PCDHGA2: variants seen among roughly 807,000 people sequenced by gnomAD.
The protein encoded by PCDHGA2 is protocadherin gamma subfamily A, 2, also known as protocadherin gamma-A2.
PCDHGA2 carries 40 observed loss-of-function variants against 59.2 expected under a neutral mutation model. The ratio of observed to expected loss-of-function variants is 0.68; its 90% CI spans 0.52 to 0.88. The LOEUF (loss-of-function observed/expected upper bound fraction) is 0.88. Ranked by LOEUF, PCDHGA2 falls within the 40% of genes least tolerant of loss-of-function variation. PCDHGA2 has a pLI of 0.00. For synonymous variants in PCDHGA2, 560 were observed against 526.0 expected, an observed-to-expected ratio of 1.06 and a Z score of -0.89; for missense variants, 1,226 against 1,204.0, an observed-to-expected ratio of 1.02 and a Z score of -0.27.
At position 141,340,814 on chromosome 5, in the gene PCDHGA2, G is replaced by A; in HGVS notation, c.1843G>A (p.Gly615Arg). The change falls in exon 1 of 4, where the codon GGA (glycine) becomes AGA (arginine). Residue 615 changes from glycine to arginine, a missense_variant. Gly to Arg is a moderately radical substitution (Grantham distance 125). Transcript: ENST00000394576. ...CCACCTGCTCAAGGCCAGCGAGCCG[G>A]GACTCTTCTCGGTGGGTCTGCACAC... ...SYHLLKASEP[G>R]LFSVGLHTGE... is the part of the protein sequence containing the mutation. The A allele has an allele frequency of 6.2e-7, 1 of 1,613,914 alleles. No individual in the cohort carries two copies. The highest frequency in any genetic ancestry group is 2.2e-5 in the East Asian group (1 of 44,854).
chr5:141,370,026 T>G (rs969820845), intron 1 of PCDHGA2, among the ~76,000 whole-genome samples: 1 of 152,354 alleles, frequency 6.6e-6, no homozygotes, highest in Non-Finnish European at 1.5e-5. Context: ...ACTAAAGATA[T>G]AGTAAGTATA....
chr5:141,409,143 G>C (rs778597273), intron 1 of PCDHGA2: 2 of 1,613,986 alleles, frequency 1.2e-6, no homozygotes, highest in Admixed American at 3.3e-5. Context: ...GATGTAGAAA[G>C]GTACACCATG....
chr5:141,410,402 A>G, intron 1 of PCDHGA2: 1 of 1,614,008 alleles, frequency 6.2e-7, no homozygotes, highest in South Asian at 1.1e-5. Flanking sequence ...TCTCTGTGTC[A>G]AGTCTGGACC....
chr5:141,384,601 C>G lies in PCDHGA2; in HGVS notation c.2424+43206C>G, dbSNP rs1780261198. On this transcript the variant is annotated intron_variant, in intron 1 of 3. Coordinates refer to ENST00000394576, the MANE Select transcript of PCDHGA2 (RefSeq NM_018915.4). The stretch of plus-strand genomic sequence containing the variant: ...GCCCGAGATCCTGTACCCGGCCCTC[C>G]CCACAGATGGTTCTACTGGCATGGA... The G allele has an allele frequency of 2.5e-6, 4 of 1,614,240 alleles. No homozygotes were observed. The East Asian group carries it at 8.9e-5, about 36-fold the overall frequency.
At position 141,340,994 on chromosome 5, in the gene PCDHGA2, C is replaced by G. The variant is rs746117073; in HGVS notation, c.2023C>G (p.Leu675Val). The G allele has an allele frequency of 1.4e-5, 22 of 1,614,000 alleles. No individual in the cohort carries two copies. Among genetic ancestry groups the G allele is most frequent in the African/African-American group, 2.7e-5 (2 of 74,930 alleles). The change falls in exon 1 of 4, where the codon CTG (leucine) becomes GTG (valine). Residue 675 changes from leucine to valine, a missense_variant. Physicochemically the swap from Leu to Val is conservative, Grantham distance 32. Transcript: ENST00000394576. ...CAGGATCCCCGACATCCTGGCCGAC[C>G]TGGGCAGCCTCGAGCCCTCCGCCAT... ...ADRIPDILAD[L>V]GSLEPSAIPN... is the part of the protein sequence containing the mutation.
chr5:141,393,896 T>G (rs754023896), intron 1 of PCDHGA2: 1 of 1,613,942 alleles, frequency 6.2e-7, no homozygotes, highest in Non-Finnish European at 8.5e-7. Context: ...AAAATTCTCT[T>G]CCCGGGACAG....
At chr5:141,498,011 G>A (rs995865984) in intron 2 of PCDHGA2, among the ~76,000 whole-genome samples, 2 of 152,204 alleles carry the variant, frequency 1.3e-5, no homozygotes, top group Non-Finnish European at 2.9e-5. Flanking sequence ...ACAGTGCACT[G>A]AAGGAGACAA....
At chr5:141,356,183 GAGCTAGA>G (rs756678007) in intron 1 of PCDHGA2, 1 of 1,611,306 alleles carries the variant, frequency 6.2e-7, no homozygotes, top group Admixed American at 1.7e-5. Context: ...CCTGGTCTCC[GAGCTAGA>G]AGCAAGGTAC....
At chr5:141,376,226 A>G in intron 1 of PCDHGA2, 2 of 1,614,202 alleles carry the variant, frequency 1.2e-6, no homozygotes, top group Non-Finnish European at 1.7e-6. Flanking sequence ...GCTGGCGCTC[A>G]GACTGCAGCG....
At chr5:141,478,332 G>A (rs773442842) in intron 1 of PCDHGA2, 1 of 1,613,924 alleles carries the variant, frequency 6.2e-7, no homozygotes, top group Non-Finnish European at 8.5e-7. Context: ...CGAACACCAG[G>A]GCCCTCCTTG....
intron 1 of PCDHGA2, chr5:141,427,650 G>A (rs1352503291): frequency 1.4e-6 from 1 of 718,312 alleles, no homozygotes; most frequent in Admixed American, 2.0e-5. Flanking sequence ...AGTCTCCTAC[G>A]TGGTCCACGT....
intron 1 of PCDHGA2, chr5:141,395,362 T>A: frequency 1.5e-6 from 2 of 1,294,628 alleles, no homozygotes; most frequent in Non-Finnish European, 1.0e-6. Context: ...AGTTTTGGGT[T>A]TATTTTGGTG....
At chr5:141,395,070 T>C (rs1222192652) in intron 1 of PCDHGA2, 1 of 1,614,158 alleles carries the variant, frequency 6.2e-7, no homozygotes, top group Non-Finnish European at 8.5e-7. Context: ...CCTGCAGACC[T>C]ATTCCCAGGA....
At chr5:141,399,621 C>G (rs757586675) in intron 1 of PCDHGA2, 1 of 1,613,948 alleles carries the variant, frequency 6.2e-7, no homozygotes. Context: ...TGGCACTGGC[C>G]TCTTACGTGT....
chr5:141,345,875 G>C (rs761228876), intron 1 of PCDHGA2: 3 of 1,613,370 alleles, frequency 1.9e-6, no homozygotes, highest in East Asian at 4.5e-5. Flanking sequence ...CCAGCGAGCC[G>C]GGACTCTTCT....
chr5:141,426,790 A>T, intron 1 of PCDHGA2: 1 of 456,732 alleles, frequency 2.2e-6, no homozygotes, highest in Middle Eastern at 3.3e-4. Flanking sequence ...CTCCAGAGTT[A>T]CCAGCTCAGT....
At chr5:141,354,915 TA>T (rs1175574849) in intron 1 of PCDHGA2, 5 of 411,134 alleles carry the variant, frequency 1.2e-5, no homozygotes, top group African/African-American at 4.1e-5. Context: ...GAAAAGTGTA[TA>T]AAAAATAAAC....
At chr5:141,343,442 A>G in intron 1 of PCDHGA2, 1 of 909,734 alleles carries the variant, frequency 1.1e-6, no homozygotes, top group Non-Finnish European at 1.3e-6. Context: ...AAGAATAAAC[A>G]CATTATCAAG....
At chr5:141,350,243 C>T (rs750200716) in intron 1 of PCDHGA2, 1 of 1,505,416 alleles carries the variant, frequency 6.6e-7, no homozygotes, top group Non-Finnish European at 8.9e-7. Flanking sequence ...GAAAGAAGCT[C>T]CGCGGAGAGT....
Sources: allele counts gnomAD v4.1 joint callset (sites outside exome capture counted in the v4.1 genomes callset), GRCh38; gene constraint gnomAD v4.1.1; transcripts MANE v1.5; gene names NCBI Gene and HGNC (gene_info 2026-07-23, HGNC 2026-07-21).